Variants in EFCAB13 observed in about 807,000 individuals in gnomAD.
The protein encoded by EFCAB13 is EF-hand calcium-binding domain-containing protein 13.
A neutral mutation model predicts 110.2 loss-of-function variants in EFCAB13; 91 were observed. The observed-to-expected ratio is 0.83, with a 90% confidence interval of 0.70 to 0.98. The LOEUF (loss-of-function observed/expected upper bound fraction) is 0.98. Ranked by LOEUF, EFCAB13 falls within the 50% of genes least tolerant of loss-of-function variation. The probability of loss-of-function intolerance (pLI) is 0.00; values close to 1 mark genes in which losing one functional copy is unlikely to be tolerated. For synonymous variants in EFCAB13, 323 were observed against 369.9 expected (o/e 0.87, Z 1.45); for missense variants, 968 against 1,119.4 (o/e 0.86, Z 1.93).
rs764046159 is a variant in EFCAB13, at chr17:47,344,150, A to C, written c.304-12A>C. ...TCACCTCAGGCACCAACATACTTGC[A>C]TTTGGCTCTAGATTATCCCTCCTTT... On this transcript the variant is annotated splice_polypyrimidine_tract_variant and intron_variant, in intron 6 of 24. Coordinates refer to ENST00000331493, the MANE Select transcript of EFCAB13 (RefSeq NM_152347.5). 1 of 1,610,382 alleles carries C rather than the reference A, an allele frequency of 6.2e-7. No homozygotes were observed. The highest frequency in any genetic ancestry group is 2.2e-5 in the East Asian group (1 of 44,754).
chr17:47,390,343 C>T (rs1243812300), intron 14 of EFCAB13, among the ~76,000 whole-genome samples: 1 of 152,032 alleles, frequency 6.6e-6, no homozygotes, highest in Non-Finnish European at 1.5e-5. Flanking sequence ...CACACACACA[C>T]ACTTTCTCTC....
At chr17:47,343,046 A>G (rs1456063890) in intron 6 of EFCAB13, among the ~76,000 whole-genome samples, 1 of 151,948 alleles carries the variant, frequency 6.6e-6, no homozygotes, top group African/African-American at 2.4e-5. Context: ...TGATCAATTC[A>G]CTGTATGAAA....
intron 20 of EFCAB13, 74 bp downstream of exon 20, chr17:47,404,707 A>AT: frequency 8.6e-7 from 1 of 1,163,204 alleles, no homozygotes; most frequent in African/African-American, 1.5e-5. Context: ...GTAAAACCCT[A>AT]AATTTGGTGT....
In EFCAB13 at chr17:47,402,227, G is replaced by A. The variant is rs367665726; in HGVS notation, c.2017+24G>A. On this transcript the variant is annotated intron_variant, in intron 18 of 24. Coordinates refer to ENST00000331493, the MANE Select transcript of EFCAB13 (RefSeq NM_152347.5). Reference sequence around the variant, plus strand: ...AGGTAAGTACTGAATTATTTATAACGGTTAGATTTACTTTTATTGAAAGGA... The same window carrying A: ...AGGTAAGTACTGAATTATTTATAACAGTTAGATTTACTTTTATTGAAAGGA... 158 of 1,594,542 alleles carry A rather than the reference G, an allele frequency of 9.9e-5. 1 individual carries two copies. Among genetic ancestry groups the A allele is most frequent in the South Asian group, 8.9e-4 (80 of 90,148 alleles).
chr17:47,402,040 T>C (rs573182471), intron 17 of EFCAB13, 92 bp from the exon 18 acceptor site: 40 of 864,912 alleles, frequency 4.6e-5, no homozygotes, highest in Admixed American at 1.3e-4. Flanking sequence ...TTCTTAGGAG[T>C]GCATCAAATG....
intron 5 of EFCAB13, among the ~76,000 whole-genome samples, chr17:47,337,439 T>C (rs1161060183): frequency 6.6e-6 from 1 of 152,182 alleles, no homozygotes; most frequent in Non-Finnish European, 1.5e-5. Flanking sequence ...AATGCCTATG[T>C]GCATGTAAGA....
At chr17:47,403,526 C>T (rs535994316) in intron 18 of EFCAB13, among the ~76,000 whole-genome samples, 16 of 152,232 alleles carry the variant, frequency 1.1e-4, no homozygotes, top group South Asian at 1.0e-3. Context: ...TCATATTTTA[C>T]GTTTTTCATA....
At chr17:47,371,134 T>A (rs1035343338) in intron 11 of EFCAB13, among the ~76,000 whole-genome samples, 1 of 151,280 alleles carries the variant, frequency 6.6e-6, no homozygotes, top group Non-Finnish European at 1.5e-5. Flanking sequence ...TATTAATCCC[T>A]TCTCAGATGA....
intron 10 of EFCAB13, among the ~76,000 whole-genome samples, chr17:47,361,961 A>G (rs1319795346): frequency 1.3e-5 from 2 of 152,158 alleles, no homozygotes; most frequent in African/African-American, 2.4e-5. Flanking sequence ...TGCTTTAAAC[A>G]TGATAAAAAT....
At chr17:47,349,935 T>C (rs4060889) in intron 9 of EFCAB13, among the ~76,000 whole-genome samples, 97,031 of 150,504 alleles carry the variant, frequency 0.64, 31,719 homozygotes, top group African/African-American at 0.73. Flanking sequence ...CCACCGCGCC[T>C]GGCTAATTTT....
At chr17:47,371,583 T>C (rs1403245667) in intron 11 of EFCAB13, among the ~76,000 whole-genome samples, 1 of 152,178 alleles carries the variant, frequency 6.6e-6, no homozygotes, top group African/African-American at 2.4e-5. Context: ...TGTGACTTTA[T>C]TTCTGGGTTC....
At chr17:47,399,605 G>T (rs1222768644) in intron 17 of EFCAB13, among the ~76,000 whole-genome samples, 2 of 151,698 alleles carry the variant, frequency 1.3e-5, no homozygotes, top group African/African-American at 4.8e-5. Flanking sequence ...TAAAATTACT[G>T]ATCTAGGGTA....
intron 10 of EFCAB13, chr17:47,369,701 A>G (rs1358904465): frequency 2.0e-5 from 3 of 152,280 alleles, no homozygotes; most frequent in Non-Finnish European, 2.9e-5. Context: ...AGATAAGTAA[A>G]TTTTCAGTCT....
chr17:47,371,950 G>A (rs999939100), intron 11 of EFCAB13, among the ~76,000 whole-genome samples: 1 of 152,080 alleles, frequency 6.6e-6, no homozygotes, highest in African/African-American at 2.4e-5. Flanking sequence ...TTTGGTTGCT[G>A]TATTAGTCTT....
At chr17:47,387,385 C>T (rs1427911891) in intron 14 of EFCAB13, among the ~76,000 whole-genome samples, 1 of 152,142 alleles carries the variant, frequency 6.6e-6, no homozygotes, top group Non-Finnish European at 1.5e-5. Flanking sequence ...GATCATCTGT[C>T]CATTACTGAG....
At chr17:47,393,503 A>G (rs1034064880) in intron 15 of EFCAB13, among the ~76,000 whole-genome samples, 2 of 152,204 alleles carry the variant, frequency 1.3e-5, no homozygotes, top group Non-Finnish European at 2.9e-5. Flanking sequence ...ATGTATACAT[A>G]AATTGTGGTA....
chr17:47,350,601 G>T (rs201757367), intron 9 of EFCAB13, among the ~76,000 whole-genome samples: 45 of 150,108 alleles, frequency 3.0e-4, no homozygotes, highest in Admixed American at 1.3e-3. Context: ...GTGTGTGTGT[G>T]TTTTTTTTTC....
chr17:47,372,618 A>G (rs2065591257), intron 11 of EFCAB13, among the ~76,000 whole-genome samples: 1 of 152,124 alleles, frequency 6.6e-6, no homozygotes, highest in African/African-American at 2.4e-5. Flanking sequence ...TTGAAATTTC[A>G]TGTAAGACAA....
At chr17:47,413,910 T>A (rs1303466846) in intron 22 of EFCAB13, among the ~76,000 whole-genome samples, 1 of 152,218 alleles carries the variant, frequency 6.6e-6, no homozygotes, top group Non-Finnish European at 1.5e-5. Flanking sequence ...GAATCTTTTT[T>A]TCTGACTCTG....
Sources: allele counts gnomAD v4.1 joint callset (sites outside exome capture counted in the v4.1 genomes callset), GRCh38; gene constraint gnomAD v4.1.1; transcripts MANE v1.5; gene names NCBI Gene and HGNC (gene_info 2026-07-23, HGNC 2026-07-21).